The following INPP4B variants were observed in gnomAD, a reference collection of about 807,000 sequenced individuals.
INPP4B encodes the protein inositol polyphosphate-4-phosphatase type II B, also known as inositol polyphosphate 4-phosphatase type II.
Under a neutral mutation model 122.5 loss-of-function variants are expected in INPP4B, and 55 were observed. The observed-to-expected ratio is 0.45, with a 90% CI of 0.36 to 0.56. The LOEUF is 0.56. Ranked by LOEUF, INPP4B falls within the 20% of genes least tolerant of loss-of-function variation. The probability of loss-of-function intolerance (pLI) is 0.00; values close to 1 mark genes in which losing one functional copy is unlikely to be tolerated. For missense variants in INPP4B, 1,000 were observed against 1,097.7 expected, an observed-to-expected ratio of 0.91 and a Z score of 1.26; for synonymous variants, 403 against 388.7, an observed-to-expected ratio of 1.04 and a Z score of -0.43.
intron 5 of INPP4B, chr4:142,423,651 A>C (rs1218291354): frequency 3.8e-6 from 1 of 263,114 alleles, no homozygotes; most frequent in African/African-American, 2.3e-5. Flanking sequence ...TTGTGAAAAA[A>C]CTGAATTTTA....
chr4:142,375,284 C>T (rs1024419809), intron 7 of INPP4B, among the ~76,000 whole-genome samples: 1 of 151,700 alleles, frequency 6.6e-6, no homozygotes, highest in Non-Finnish European at 1.5e-5. Context: ...CCTCCCCCAC[C>T]CTTTTTTTCT....
At chr4:142,353,522 A>T (rs1782606845) in intron 7 of INPP4B, among the ~76,000 whole-genome samples, 1 of 152,012 alleles carries the variant, frequency 6.6e-6, no homozygotes, top group South Asian at 2.1e-4. Flanking sequence ...TGCCTTCCAT[A>T]GGTGGCAATC....
chr4:142,074,826 G>A (rs552659215), intron 25 of INPP4B, among the ~76,000 whole-genome samples: 5 of 152,056 alleles, frequency 3.3e-5, no homozygotes, highest in Non-Finnish European at 5.9e-5. Context: ...CACTTGACAA[G>A]TGTGATGAAT....
chr4:142,280,187 T>A (rs1750529270), intron 9 of INPP4B, among the ~76,000 whole-genome samples: 2 of 151,796 alleles, frequency 1.3e-5, no homozygotes, highest in Non-Finnish European at 2.9e-5. Context: ...CAATCCCAAT[T>A]CTAAATATTT....
At chr4:142,836,527 G>A (rs1376389004) in intron 1 of INPP4B, among the ~76,000 whole-genome samples, 1 of 151,634 alleles carries the variant, frequency 6.6e-6, no homozygotes, top group Non-Finnish European at 1.5e-5. Flanking sequence ...AACTGCTGTT[G>A]GAAAAACGCT....
intron 23 of INPP4B, among the ~76,000 whole-genome samples, chr4:142,096,815 G>A (rs2152603694): frequency 6.6e-6 from 1 of 152,214 alleles, no homozygotes; most frequent in Non-Finnish European, 1.5e-5. Context: ...ACAATCTTCA[G>A]TTCACTGCAG....
intron 17 of INPP4B, among the ~76,000 whole-genome samples, chr4:142,155,473 C>A (rs1015486369): frequency 6.6e-6 from 1 of 152,082 alleles, no homozygotes; most frequent in Non-Finnish European, 1.5e-5. Flanking sequence ...GTTAACAATG[C>A]TTGCAACTGT....
intron 3 of INPP4B, among the ~76,000 whole-genome samples, chr4:142,436,494 C>T (rs1562096613): frequency 6.6e-6 from 1 of 152,164 alleles, no homozygotes; most frequent in Non-Finnish European, 1.5e-5. Flanking sequence ...TATACAGGAG[C>T]ATTCCTACTA....
At chr4:142,296,799 A>T (rs1231061055) in intron 9 of INPP4B, among the ~76,000 whole-genome samples, 3 of 152,252 alleles carry the variant, frequency 2.0e-5, no homozygotes, top group Non-Finnish European at 2.9e-5. Flanking sequence ...CCCAAGTTCT[A>T]TAAATTGATG....
At chr4:142,090,346 T>C (rs1432812074) in intron 23 of INPP4B, among the ~76,000 whole-genome samples, 1 of 151,872 alleles carries the variant, frequency 6.6e-6, no homozygotes, top group Non-Finnish European at 1.5e-5. Flanking sequence ...GTGACAAAAC[T>C]TGCTTTATTC....
chr4:142,273,369 T>G (rs1746821962), intron 9 of INPP4B, among the ~76,000 whole-genome samples: 1 of 151,912 alleles, frequency 6.6e-6, no homozygotes, highest in Non-Finnish European at 1.5e-5. Flanking sequence ...GAGACTATAG[T>G]GAAAGGCTAT....
In INPP4B at chr4:142,798,536, C is replaced by A. The variant is rs545781812; in HGVS notation, c.-254+47673G>T. On this transcript the variant is annotated intron_variant, in intron 1 of 25. Transcript: ENST00000262992. Reference sequence around the variant, plus strand: ...GTAGGAAAGAGGAGAGGTGCTAATACCCCCCAAACATGAGGAATAAGGAGT... The same window carrying A: ...GTAGGAAAGAGGAGAGGTGCTAATAACCCCCAAACATGAGGAATAAGGAGT... Among the ~76,000 whole-genome samples the A allele has an allele frequency of 4.0e-5, 6 of 151,812 alleles. No homozygotes were observed. The South Asian group carries it at 1.0e-3, about 26-fold the overall frequency.
intron 7 of INPP4B, among the ~76,000 whole-genome samples, chr4:142,341,072 C>A (rs1778549263): frequency 6.6e-6 from 1 of 152,154 alleles, no homozygotes; most frequent in Admixed American, 6.5e-5. Context: ...CAGAAGAACA[C>A]AACACAGTTT....
At chr4:142,298,261 A>G (rs1759692284) in intron 9 of INPP4B, among the ~76,000 whole-genome samples, 1 of 152,208 alleles carries the variant, frequency 6.6e-6, no homozygotes, top group Non-Finnish European at 1.5e-5. Context: ...CTTGAGATAC[A>G]ATAGAAATAC....
chr4:142,147,846 T>C (rs1330806984), intron 17 of INPP4B, among the ~76,000 whole-genome samples: 1 of 152,146 alleles, frequency 6.6e-6, no homozygotes. Flanking sequence ...CATCATCATC[T>C]GCCTGTTGTC....
At chr4:142,200,682 T>C (rs1477955354) in intron 14 of INPP4B, among the ~76,000 whole-genome samples, 2 of 151,990 alleles carry the variant, frequency 1.3e-5, no homozygotes, top group South Asian at 2.1e-4. Context: ...GACAGACATA[T>C]TGATAAGCAA....
At chr4:142,600,650 C>A (rs1404476433) in intron 2 of INPP4B, among the ~76,000 whole-genome samples, 2 of 152,044 alleles carry the variant, frequency 1.3e-5, no homozygotes, top group African/African-American at 4.8e-5. Context: ...CTATACTAAG[C>A]CACCAGAAAA....
chr4:142,779,989 C>T (rs893038826), intron 1 of INPP4B, among the ~76,000 whole-genome samples: 1 of 152,012 alleles, frequency 6.6e-6, no homozygotes, highest in Non-Finnish European at 1.5e-5. Flanking sequence ...AAGGCTGCAG[C>T]AGATCAGAGA....
At chr4:142,447,148 C>G (rs1562119205) in intron 3 of INPP4B, among the ~76,000 whole-genome samples, 2 of 152,112 alleles carry the variant, frequency 1.3e-5, no homozygotes. Context: ...TTTCTATGAG[C>G]ACTGGGTAAG....
Sources: gnomAD v4.1 joint callset for allele counts (sites outside exome capture counted in the v4.1 genomes callset) on GRCh38, gnomAD v4.1.1 for gene constraint, MANE v1.5 for transcripts, NCBI Gene and HGNC (gene_info 2026-07-23, HGNC 2026-07-21) for gene names.